Variants in GRK4 observed in about 807,000 individuals in gnomAD.
The protein encoded by GRK4 is G protein-coupled receptor kinase 2-like.
A neutral mutation model predicts 77.9 loss-of-function variants in GRK4; 73 were observed. The observed-to-expected ratio is 0.94, with a 90% CI of 0.78 to 1.14. GRK4 has a LOEUF of 1.14. Ranked by LOEUF, GRK4 falls within the 50% of genes most tolerant of loss-of-function variation. The pLI is 0.00. For missense variants in GRK4, 729 were observed against 700.2 expected (o/e 1.04, Z -0.46); for synonymous variants, 257 against 254.4 (o/e 1.01, Z -0.10).
intron 1 of GRK4, among the ~76,000 whole-genome samples, chr4:2,983,269 A>G (rs957872768): frequency 6.6e-6 from 1 of 152,210 alleles, no homozygotes; most frequent in Non-Finnish European, 1.5e-5. Flanking sequence ...TCGTGTTCCA[A>G]GGAAATGTGG....
At chr4:3,020,095 T>C (rs1231765741) in intron 9 of GRK4, among the ~76,000 whole-genome samples, 1 of 152,086 alleles carries the variant, frequency 6.6e-6, no homozygotes, top group Non-Finnish European at 1.5e-5. Flanking sequence ...CTCGGCTCAC[T>C]GCAGTTCGAG....
At chr4:3,023,564 G>A (rs976565178) in intron 10 of GRK4, among the ~76,000 whole-genome samples, 2 of 152,312 alleles carry the variant, frequency 1.3e-5, no homozygotes, top group Admixed American at 1.3e-4. Context: ...GCCCTGTGAG[G>A]AAGGAGGGTA....
intron 4 of GRK4, among the ~76,000 whole-genome samples, chr4:3,000,460 G>T (rs1226895869): frequency 2.6e-5 from 4 of 152,084 alleles, no homozygotes; most frequent in Non-Finnish European, 5.9e-5. Context: ...AGAATATTTT[G>T]TCTTGTTTTC....
At chr4:3,007,264 G>C (rs770815721) in intron 5 of GRK4, among the ~76,000 whole-genome samples, 2 of 152,086 alleles carry the variant, frequency 1.3e-5, no homozygotes, top group African/African-American at 4.8e-5. Context: ...GCACTTACCC[G>C]CTCACAGTAA....
At chr4:3,033,459 T>C (rs1739720427) in intron 12 of GRK4, among the ~76,000 whole-genome samples, 1 of 152,190 alleles carries the variant, frequency 6.6e-6, no homozygotes, top group Non-Finnish European at 1.5e-5. Flanking sequence ...ATTCAGAGCA[T>C]CCTGGCCCTC....
Position 3,019,672 on chromosome 4 carries a change from A to T in GRK4, c.773A>T (p.Asp258Val). The change falls in exon 9 of 16, where the codon GAT becomes GTT. Residue 258 changes from aspartate (D) to valine (V), a missense_variant. Physicochemically the swap from Asp to Val is radical, Grantham distance 152. Coordinates refer to ENST00000398052, the MANE Select transcript of GRK4 (RefSeq NM_182982.3). ...VSLAYAYETK[D>V]ALCLVLTIMN... ...TTAGCCTACGCTTATGAAACCAAAG[A>T]TGCCTTGTGCTTGGTGCTCACCATT... 6.2e-7 allele frequency: 1 copy of T among 1,613,922 alleles called. No individual in the cohort carries two copies. Among genetic ancestry groups the T allele is most frequent in the Non-Finnish European group, 8.5e-7 (1 of 1,179,892 alleles).
At chr4:3,039,554 C>T (rs764429727) in intron 15 of GRK4, among the ~76,000 whole-genome samples, 5 of 151,766 alleles carry the variant, frequency 3.3e-5, no homozygotes, top group South Asian at 2.1e-4. Flanking sequence ...AAAAATTAGC[C>T]GGTCATGGTG....
At chr4:3,008,778 G>A (rs1397630098) in intron 6 of GRK4, among the ~76,000 whole-genome samples, 2 of 150,886 alleles carry the variant, frequency 1.3e-5, no homozygotes, top group Non-Finnish European at 2.9e-5. Flanking sequence ...ACTCCAGCCT[G>A]GGCAACACAG....
intron 1 of GRK4, among the ~76,000 whole-genome samples, chr4:2,973,213 T>C (rs1421541230): frequency 6.6e-6 from 1 of 152,234 alleles, no homozygotes; most frequent in Non-Finnish European, 1.5e-5. Context: ...CGTGAGCGTG[T>C]TCTGCATCAT....
At chr4:3,011,627 C>T (rs1026933950) in intron 7 of GRK4, among the ~76,000 whole-genome samples, 1 of 152,220 alleles carries the variant, frequency 6.6e-6, no homozygotes, top group Non-Finnish European at 1.5e-5. Flanking sequence ...AGTCAGCTCA[C>T]CCCTACTCTG....
chr4:2,964,455 G>A (rs1232610881), intron 1 of GRK4, among the ~76,000 whole-genome samples: 2 of 152,204 alleles, frequency 1.3e-5, no homozygotes, highest in African/African-American at 4.8e-5. Context: ...GGCAGGCAGT[G>A]TCCTGCTTGT....
In GRK4 at chr4:3,024,772, C is replaced by T. The variant is rs1387496187; in HGVS notation, c.970+2321C>T. ...ACTCAGGAGGCCGAGGCAGGAGAAT[C>T]GCTTGAACCCGGGCGGCAGAGGTTG... On this transcript the variant is annotated intron_variant, in intron 10 of 15. Coordinates refer to ENST00000398052, the MANE Select transcript of GRK4 (RefSeq NM_182982.3). 6.3e-4 allele frequency among the ~76,000 whole-genome samples: 96 copies of T among 152,110 alleles called. 1 individual carries two copies. The highest frequency in any genetic ancestry group is 1.5e-4 in the Non-Finnish European group (10 of 68,006).
chr4:3,019,242 T>C (rs1735410119), intron 8 of GRK4, among the ~76,000 whole-genome samples: 1 of 152,180 alleles, frequency 6.6e-6, no homozygotes, highest in Non-Finnish European at 1.5e-5. Context: ...GCACAAAATG[T>C]TGGAAGGATG....
chr4:3,032,760 A>T (rs948094080), intron 12 of GRK4, among the ~76,000 whole-genome samples: 1 of 152,220 alleles, frequency 6.6e-6, no homozygotes, highest in East Asian at 1.9e-4. Flanking sequence ...GAAGTAATAC[A>T]TGTAAAATGT....
At position 3,040,721 on chromosome 4, in the gene GRK4, T is replaced by C; in HGVS notation, c.*96T>C. The C allele has an allele frequency of 9.9e-7, 1 of 1,011,168 alleles. No homozygotes were observed. Among genetic ancestry groups the C allele is most frequent in the Non-Finnish European group, 1.5e-6 (1 of 660,064 alleles). 62.6% of individuals were successfully genotyped at this position (1,011,168 alleles called of 1,614,324 possible). A position where few individuals can be genotyped will look rare whatever the true frequency, so the allele number is the denominator to read the frequency against. ...TGGAATTGTAATAAATACATCTAAA[T>C]AAAACATGCCTTGGGAGTGTACAGA... is the stretch of plus-strand genomic sequence containing the variant. On this transcript the variant is annotated 3_prime_UTR_variant, in exon 16 of 16. Coordinates refer to ENST00000398052, the MANE Select transcript of GRK4 (RefSeq NM_182982.3).
At chr4:3,037,019 A>G (rs188617819) in intron 13 of GRK4, among the ~76,000 whole-genome samples, 4 of 150,654 alleles carry the variant, frequency 2.7e-5, no homozygotes, top group African/African-American at 4.9e-5. Flanking sequence ...CACTACGGAA[A>G]GGAGAAGGGC....
intron 3 of GRK4, among the ~76,000 whole-genome samples, chr4:2,991,513 T>A (rs928337337): frequency 1.3e-5 from 2 of 152,010 alleles, no homozygotes; most frequent in Non-Finnish European, 1.5e-5. Flanking sequence ...GCACTGAAGT[T>A]TGTTTGTTTG....
At chr4:2,986,649 T>C (rs1724475793) in intron 2 of GRK4, among the ~76,000 whole-genome samples, 1 of 152,122 alleles carries the variant, frequency 6.6e-6, no homozygotes, top group African/African-American at 2.4e-5. Context: ...CCACCGCGCC[T>C]GGCCCTCAGT....
At chr4:3,014,296 C>CTCTCTTTT (rs757312217) in intron 8 of GRK4, among the ~76,000 whole-genome samples, 33 of 118,998 alleles carry the variant, frequency 2.8e-4, no homozygotes, top group African/African-American at 1.1e-3. Context: ...CTCTCTCTCT[C>CTCTCTTTT]TTTTTTTTTT....
Sources: allele counts gnomAD v4.1 joint callset (sites outside exome capture counted in the v4.1 genomes callset), GRCh38; gene constraint gnomAD v4.1.1; transcripts MANE v1.5; gene names NCBI Gene and HGNC (gene_info 2026-07-23, HGNC 2026-07-21).